GRID2: variants seen among roughly 807,000 people sequenced by gnomAD.
The protein encoded by GRID2 is glutamate receptor ionotropic, delta-2.
GRID2 carries 33 observed loss-of-function variants against 114.8 expected under a neutral mutation model. The observed-to-expected ratio is 0.29, with a 90% CI of 0.22 to 0.38. GRID2 has a LOEUF of 0.38. GRID2 is among the 10% of genes least tolerant of loss of function. The pLI, the probability that GRID2 is intolerant of heterozygous loss-of-function variation, is 1.00. For missense variants in GRID2, 1,184 were observed against 1,257.7 expected (o/e 0.94, Z 0.89); for synonymous variants, 505 against 449.9 (o/e 1.12, Z -1.55).
At chr4:92,645,758 A>G (rs773821949) in intron 2 of GRID2, among the ~76,000 whole-genome samples, 1 of 151,594 alleles carries the variant, frequency 6.6e-6, no homozygotes, top group Non-Finnish European at 1.5e-5. Flanking sequence ...TTCTTCCCTC[A>G]GGCTTTTGAG....
At chr4:92,950,599 C>G (rs1647234381) in intron 2 of GRID2, among the ~76,000 whole-genome samples, 1 of 152,124 alleles carries the variant, frequency 6.6e-6, no homozygotes. Flanking sequence ...GGGTTAGTCA[C>G]AGATAGTTCT....
chr4:92,550,628 A>T (rs1726538593), intron 1 of GRID2, among the ~76,000 whole-genome samples: 1 of 152,154 alleles, frequency 6.6e-6, no homozygotes, highest in East Asian at 1.9e-4. Context: ...TTGCTCTGGG[A>T]TCCTTGTTTT....
chr4:92,441,703 T>A (rs1022254415), intron 1 of GRID2, among the ~76,000 whole-genome samples: 1 of 151,912 alleles, frequency 6.6e-6, no homozygotes, highest in Non-Finnish European at 1.5e-5. Context: ...TGCTGAGGGA[T>A]GGGATATTGG....
chr4:92,365,005 A>G lies in GRID2; in HGVS notation c.88+60261A>G, dbSNP rs537010967. 2.6e-5 allele frequency among the ~76,000 whole-genome samples: 4 copies of G among 152,214 alleles called. No individual in the cohort carries two copies. The East Asian group carries it at 5.8e-4, about 22-fold the overall frequency. Reference sequence around the variant, plus strand: ...TCCCAGCAAAAAATAAGCAGCATAAATAATGTGGAGAGAATGGAAATCTAC... The same window carrying G: ...TCCCAGCAAAAAATAAGCAGCATAAGTAATGTGGAGAGAATGGAAATCTAC... On this transcript the variant is annotated intron_variant, in intron 1 of 15. Coordinates refer to ENST00000282020, the MANE Select transcript of GRID2 (RefSeq NM_001510.4).
At chr4:93,799,845 T>C (rs1348611129) in intron 1 of GRID2, among the ~76,000 whole-genome samples, 1 of 152,218 alleles carries the variant, frequency 6.6e-6, no homozygotes, top group Admixed American at 6.5e-5. Context: ...TTGAATTAAT[T>C]CATAGGTGTC....
At chr4:93,557,662 A>G (rs1734452692) in intron 13 of GRID2, among the ~76,000 whole-genome samples, 1 of 152,230 alleles carries the variant, frequency 6.6e-6, no homozygotes, top group African/African-American at 2.4e-5. Flanking sequence ...CCCCACTGTC[A>G]GTATTAGACA....
At chr4:92,992,349 T>C (rs780000010) in intron 2 of GRID2, among the ~76,000 whole-genome samples, 1 of 152,280 alleles carries the variant, frequency 6.6e-6, no homozygotes, top group Non-Finnish European at 1.5e-5. Flanking sequence ...CCACAACTCC[T>C]CATCATTTCT....
At chr4:93,178,710 A>G (rs1407890271) in intron 4 of GRID2, among the ~76,000 whole-genome samples, 1 of 151,816 alleles carries the variant, frequency 6.6e-6, no homozygotes, top group African/African-American at 2.4e-5. Context: ...TCAAGAAGAG[A>G]ATGTTTTCTC....
At chr4:93,324,575 C>CT (rs1757620230) in intron 8 of GRID2, among the ~76,000 whole-genome samples, 1 of 152,112 alleles carries the variant, frequency 6.6e-6, no homozygotes, top group Non-Finnish European at 1.5e-5. Flanking sequence ...AGGATTCCCT[C>CT]TTTTTCTATT....
chr4:93,562,972 GGTAGCTTTATT>G (rs760484589), intron 13 of GRID2, among the ~76,000 whole-genome samples: 10 of 151,846 alleles, frequency 6.6e-5, no homozygotes, highest in African/African-American at 9.7e-5. Context: ...TGTATCCTAT[GGTAGCTTTATT>G]GTAAGCCTTC....
chr4:92,823,513 G>A (rs768537211), intron 2 of GRID2, among the ~76,000 whole-genome samples: 12 of 152,150 alleles, frequency 7.9e-5, no homozygotes, highest in Middle Eastern at 3.4e-3. Flanking sequence ...GTTGGAACCT[G>A]GATGGCAACA....
rs1553919723 is a variant in GRID2 at position 92,713,517 on chromosome 4, A to G, written c.244+123231A>G. Among the ~76,000 whole-genome samples, 6 of 126,052 alleles carry G rather than the reference A, an allele frequency of 4.8e-5. No individual in the cohort carries two copies. In the East Asian group the frequency reaches 1.2e-3, roughly 25 times the overall value. 82.7% of individuals were successfully genotyped at this position (126,052 alleles called of 152,430 possible). On this transcript the variant is annotated intron_variant, in intron 2 of 15. Transcript: ENST00000282020. ...TATATATATATATATATATATATATATTACCAAAATTAGGTCTTGGATAGT... is the reference window on the plus strand; with the variant it reads ...TATATATATATATATATATATATATGTTACCAAAATTAGGTCTTGGATAGT...
At chr4:92,544,826 A>G (rs1333334399) in intron 1 of GRID2, among the ~76,000 whole-genome samples, 1 of 152,160 alleles carries the variant, frequency 6.6e-6, no homozygotes, top group Non-Finnish European at 1.5e-5. Flanking sequence ...TCTTGACTTT[A>G]TTTCTAACAG....
intron 2 of GRID2, among the ~76,000 whole-genome samples, chr4:92,857,085 A>G (rs1217126797): frequency 6.6e-6 from 1 of 152,168 alleles, no homozygotes; most frequent in Admixed American, 6.5e-5. Context: ...AAACTAAATC[A>G]ATCAGTGTTG....
chr4:93,583,542 A>G (rs1737200668), intron 13 of GRID2, among the ~76,000 whole-genome samples: 1 of 152,136 alleles, frequency 6.6e-6, no homozygotes, highest in African/African-American at 2.4e-5. Context: ...TGGATACTTT[A>G]CAAACATCCA....
chr4:92,833,643 C>T (rs1364017366), intron 2 of GRID2: 1 of 152,116 alleles, frequency 6.6e-6, no homozygotes, highest in Non-Finnish European at 1.5e-5. Flanking sequence ...TAAAGGACTG[C>T]CATTATCTAC....
intron 8 of GRID2, among the ~76,000 whole-genome samples, chr4:93,301,100 T>C (rs1158274346): frequency 6.6e-6 from 1 of 152,146 alleles, no homozygotes; most frequent in African/African-American, 2.4e-5. Context: ...GTACTGAGTA[T>C]AAAACAATAT....
chr4:93,216,146 C>T (rs1744180021), intron 5 of GRID2, among the ~76,000 whole-genome samples: 1 of 151,642 alleles, frequency 6.6e-6, no homozygotes, highest in African/African-American at 2.4e-5. Flanking sequence ...CTATTCCTTA[C>T]CAAGAGAAAC....
chr4:92,308,360 A>G (rs1319289996), intron 1 of GRID2, among the ~76,000 whole-genome samples: 1 of 152,214 alleles, frequency 6.6e-6, no homozygotes, highest in East Asian at 1.9e-4. Context: ...ACACTCAAAC[A>G]GTGTACTTAT....
Sources: allele counts gnomAD v4.1 joint callset (sites outside exome capture counted in the v4.1 genomes callset), GRCh38; gene constraint gnomAD v4.1.1; transcripts MANE v1.5; gene names NCBI Gene and HGNC (gene_info 2026-07-23, HGNC 2026-07-21).